UTS2: variants seen among roughly 807,000 people sequenced by gnomAD.
The protein encoded by UTS2 is urotensin 2.
In UTS2, 10 loss-of-function variants were observed where a neutral mutation model predicts 12.6. That is an observed-to-expected ratio of 0.80 (90% confidence interval 0.49 to 1.35). The LOEUF (loss-of-function observed/expected upper bound fraction) is 1.35. Among genes scored for constraint, UTS2 ranks in the 40% most tolerant of loss-of-function variants. The pLI, the probability that UTS2 is intolerant of heterozygous loss-of-function variation, is 0.00. For synonymous variants in UTS2, 52 were observed against 50.0 expected, an observed-to-expected ratio of 1.04 and a Z score of -0.17; for missense variants, 142 against 143.2, an observed-to-expected ratio of 0.99 and a Z score of 0.04.
the UTS2 span, among the ~76,000 whole-genome samples, chr1:7,886,370 C>T: frequency 6.6e-6 from 1 of 152,208 alleles, no homozygotes; most frequent in Non-Finnish European, 1.5e-5. Flanking sequence ...GACAGGAATG[C>T]TTAATATATT....
chr1:7,852,756 T>C, intron 1 of UTS2, 145 bp downstream of exon 1: 1 of 911,884 alleles, frequency 1.1e-6, no homozygotes, highest in Non-Finnish European at 1.6e-6. Flanking sequence ...AAGGATCCTT[T>C]AATATTCTTT....
chr1:7,889,310 C>T, the UTS2 span, among the ~76,000 whole-genome samples: 1 of 148,366 alleles, frequency 6.7e-6, no homozygotes, highest in Non-Finnish European at 1.5e-5. Flanking sequence ...GGCATGGTGG[C>T]GTGAGCCTGT....
At chr1:7,880,674 G>A in the UTS2 span, among the ~76,000 whole-genome samples, 1 of 152,090 alleles carries the variant, frequency 6.6e-6, no homozygotes, top group South Asian at 2.1e-4. Context: ...GTAATAAAAA[G>A]TCTTCTAAGA....
the UTS2 span, among the ~76,000 whole-genome samples, chr1:7,903,868 T>C: frequency 6.6e-6 from 1 of 152,124 alleles, no homozygotes; most frequent in Non-Finnish European, 1.5e-5. Context: ...CTTTCATCTT[T>C]CCCATGAAAA....
At chr1:7,893,608 G>A in the UTS2 span, among the ~76,000 whole-genome samples, 1 of 152,186 alleles carries the variant, frequency 6.6e-6, no homozygotes, top group African/African-American at 2.4e-5. Flanking sequence ...CAACAGCGTT[G>A]CCATGTGGAC....
chr1:7,909,546 CAAA>C, the UTS2 span, among the ~76,000 whole-genome samples: 16 of 104,192 alleles, frequency 1.5e-4, no homozygotes, highest in Admixed American at 2.0e-4. Context: ...GACTCTGTCT[CAAA>C]AAAAAAAAAA....
At chr1:7,853,389 C>A (rs780317300), upstream of UTS2, 20 of 1,614,000 alleles carry the variant, frequency 1.2e-5, no homozygotes, top group Admixed American at 2.8e-4. Flanking sequence ...TGAGTCCGAG[C>A]AGAAGTGACG....
the UTS2 span, among the ~76,000 whole-genome samples, chr1:7,861,812 G>A: frequency 1.3e-5 from 2 of 152,150 alleles, no homozygotes; most frequent in African/African-American, 4.8e-5. Context: ...AACATGTGAG[G>A]GCAAACTCTG....
chr1:7,907,220 C>T, the UTS2 span, among the ~76,000 whole-genome samples: 5 of 152,136 alleles, frequency 3.3e-5, no homozygotes, highest in Admixed American at 2.6e-4. Context: ...CGTGTCACTG[C>T]ACTCCAGCCT....
the UTS2 span, among the ~76,000 whole-genome samples, chr1:7,877,548 G>T: frequency 6.6e-6 from 1 of 152,136 alleles, no homozygotes; most frequent in Non-Finnish European, 1.5e-5. Flanking sequence ...AAGAAGAGAT[G>T]GACAAAGGTA....
chr1:7,848,382 T>C (rs1455256832), intron 3 of UTS2, among the ~76,000 whole-genome samples: 1 of 152,084 alleles, frequency 6.6e-6, no homozygotes. Context: ...GATGTTGCAG[T>C]GAGCCAAGAT....
the UTS2 span, among the ~76,000 whole-genome samples, chr1:7,887,592 C>CAAAAAAAAAAA: frequency 3.2e-5 from 2 of 62,436 alleles, no homozygotes; most frequent in African/African-American, 6.5e-5. Flanking sequence ...CCAGTCTCTA[C>CAAAAAAAAAAA]AAAAAAAAAA....
chr1:7,853,385 C>T (rs13306061), upstream of UTS2: 268,602 of 1,613,870 alleles, frequency 0.17, 25,139 homozygotes, highest in Non-Finnish European at 0.19. Flanking sequence ...TTTATGAGTC[C>T]GAGCAGAAGT....
the UTS2 span, among the ~76,000 whole-genome samples, chr1:7,877,320 T>G: frequency 6.6e-6 from 1 of 151,910 alleles, no homozygotes; most frequent in Non-Finnish European, 1.5e-5. Flanking sequence ...AGAAGCCTAG[T>G]GAAACACAAT....
the UTS2 span, among the ~76,000 whole-genome samples, chr1:7,896,289 C>A: frequency 6.6e-6 from 1 of 151,178 alleles, no homozygotes; most frequent in Non-Finnish European, 1.5e-5. Flanking sequence ...CTACCTCACA[C>A]CAAACATAAA....
At chr1:7,861,980 T>C in the UTS2 span, among the ~76,000 whole-genome samples, 3 of 151,222 alleles carry the variant, frequency 2.0e-5, no homozygotes, top group South Asian at 2.1e-4. Flanking sequence ...TGGCACAATC[T>C]CGGCTCACTG....
chr1:7,885,859 A>G, the UTS2 span, among the ~76,000 whole-genome samples: 1 of 121,296 alleles, frequency 8.2e-6, no homozygotes, highest in Non-Finnish European at 1.7e-5. Context: ...AGGAGAGGCA[A>G]GGAGGGGCTT....
chr1:7,874,288 G>A, the UTS2 span, among the ~76,000 whole-genome samples: 6 of 152,122 alleles, frequency 3.9e-5, no homozygotes, highest in East Asian at 9.7e-4. Context: ...ATAGAGAGCC[G>A]CCTGCATTGT....
chr1:7,851,377 T>C (rs3753499), intron 1 of UTS2, among the ~76,000 whole-genome samples: 45,085 of 152,082 alleles, frequency 0.3, 7,149 homozygotes, highest in Non-Finnish European at 0.31. Flanking sequence ...CACCTCTTCT[T>C]TTACTGAACT....
Sources: gnomAD v4.1 joint callset for allele counts (sites outside exome capture counted in the v4.1 genomes callset) on GRCh38, gnomAD v4.1.1 for gene constraint, MANE v1.5 for transcripts, NCBI Gene and HGNC (gene_info 2026-07-23, HGNC 2026-07-21) for gene names.